PTPRT: variants seen among roughly 807,000 people sequenced by gnomAD.
PTPRT encodes the protein receptor-type tyrosine-protein phosphatase T.
A neutral mutation model predicts 176.8 loss-of-function variants in PTPRT; 56 were observed. That is an observed-to-expected ratio of 0.32 (90% confidence interval 0.26 to 0.40). The LOEUF (loss-of-function observed/expected upper bound fraction) is 0.40. Ranked by LOEUF, PTPRT falls within the 10% of genes least tolerant of loss-of-function variation. The pLI is 1.00. For synonymous variants in PTPRT, 783 were observed against 739.0 expected, an observed-to-expected ratio of 1.06 and a Z score of -0.96; for missense variants, 1,540 against 1,908.2, an observed-to-expected ratio of 0.81 and a Z score of 3.60.
At chr20:42,834,653 A>G (rs1205254631) in intron 2 of PTPRT, among the ~76,000 whole-genome samples, 1 of 152,134 alleles carries the variant, frequency 6.6e-6, no homozygotes, top group African/African-American at 2.4e-5. Flanking sequence ...TTCTCTTCCA[A>G]TAATCTGATC....
At chr20:42,495,978 T>C (rs1312281825) in intron 7 of PTPRT, among the ~76,000 whole-genome samples, 2 of 152,156 alleles carry the variant, frequency 1.3e-5, no homozygotes, top group African/African-American at 2.4e-5. Context: ...ACTGATAACA[T>C]GAACAGTTGG....
chr20:42,854,466 GAAGC>G (rs1172294451), intron 2 of PTPRT, among the ~76,000 whole-genome samples: 3 of 152,136 alleles, frequency 2.0e-5, no homozygotes, highest in African/African-American at 7.2e-5. Flanking sequence ...ATTCTCACAG[GAAGC>G]TTCCCTAGGC....
chr20:42,440,404 T>C lies in PTPRT; in HGVS notation c.1560+7816A>G, dbSNP rs565552952. Among the ~76,000 whole-genome samples the C allele has an allele frequency of 6.6e-5, 10 of 152,214 alleles. 1 individual carries two copies. The South Asian group carries it at 2.1e-3, about 32-fold the overall frequency. On this transcript the variant is annotated intron_variant, in intron 9 of 30. Transcript: ENST00000373187. The stretch of plus-strand genomic sequence containing the variant: ...AAGAATATTTATTGAGTACATACTA[T>C]GTGAAAGCTACTATTTTAGGTCCTC...
At chr20:42,082,940 G>T (rs1397756826) in intron 29 of PTPRT, among the ~76,000 whole-genome samples, 3 of 152,108 alleles carry the variant, frequency 2.0e-5, no homozygotes, top group Admixed American at 2.0e-4. Flanking sequence ...GATGTTTCAA[G>T]TACAGAGAGT....
At chr20:42,216,497 C>T (rs2146765781) in intron 15 of PTPRT, among the ~76,000 whole-genome samples, 1 of 152,308 alleles carries the variant, frequency 6.6e-6, no homozygotes, top group South Asian at 2.1e-4. Flanking sequence ...ATAGGGTAGG[C>T]CTTGCTTCTG....
intron 6 of PTPRT, among the ~76,000 whole-genome samples, chr20:42,741,140 A>C (rs752416657): frequency 6.6e-6 from 1 of 152,176 alleles, no homozygotes; most frequent in Non-Finnish European, 1.5e-5. Context: ...GTCAGAAGTG[A>C]CCATAGAAGA....
intron 1 of PTPRT, among the ~76,000 whole-genome samples, chr20:43,013,003 C>G (rs1195871884): frequency 3.3e-5 from 5 of 152,006 alleles, no homozygotes; most frequent in South Asian, 2.1e-4. Flanking sequence ...GCCTCAGGCT[C>G]TGTTGGAAGG....
At chr20:42,098,270 T>G (rs967743742) in intron 27 of PTPRT, 151 bp downstream of exon 27, 1 of 1,079,040 alleles carries the variant, frequency 9.3e-7, no homozygotes, top group African/African-American at 1.6e-5. Flanking sequence ...GGTAGCAGAA[T>G]GGCTTGTCTG....
intron 15 of PTPRT, among the ~76,000 whole-genome samples, chr20:42,199,589 C>T (rs972036852): frequency 6.6e-5 from 10 of 152,168 alleles, no homozygotes; most frequent in Admixed American, 5.9e-4. Context: ...GCCTCACCCC[C>T]GACAATGCAT....
At chr20:43,173,851 G>A (rs1023896157) in intron 1 of PTPRT, among the ~76,000 whole-genome samples, 9 of 152,216 alleles carry the variant, frequency 5.9e-5, no homozygotes, top group African/African-American at 2.2e-4. Context: ...TCTCTCTCCT[G>A]TACTTCTTAT....
In PTPRT at chr20:42,329,486, CACACACACACACACACAT is replaced by C. The variant is rs1050444484; in HGVS notation, c.1866-13508_1866-13491del. Among the ~76,000 whole-genome samples, 9 of 138,570 alleles carry C rather than the reference CACACACACACACACACAT, an allele frequency of 6.5e-5. No individual in the cohort carries two copies. In the South Asian group the frequency reaches 1.4e-3, roughly 21 times the overall value. The allele number at this position is 138,570 out of a possible 152,430, so 90.9% of individuals were successfully genotyped here. ...AAGAATATAGTGGCACACACACACA[CACACACACACACACACAT>C]ACACACACACACACACACACAGGCA... On this transcript the variant is annotated intron_variant, in intron 11 of 30. Coordinates refer to ENST00000373187, the MANE Select transcript of PTPRT (RefSeq NM_007050.6).
chr20:42,593,644 A>G (rs1370040448), intron 7 of PTPRT, among the ~76,000 whole-genome samples: 2 of 152,184 alleles, frequency 1.3e-5, no homozygotes, highest in Non-Finnish European at 2.9e-5. Flanking sequence ...GAATCACATT[A>G]AGATTAATAA....
At chr20:42,453,659 T>G (rs1479270675) in intron 8 of PTPRT, among the ~76,000 whole-genome samples, 2 of 140,158 alleles carry the variant, frequency 1.4e-5, no homozygotes, top group African/African-American at 5.7e-5. Context: ...TTTTCCTTTT[T>G]TTTCTTTTTC....
chr20:43,152,927 A>T (rs917160595), intron 1 of PTPRT, among the ~76,000 whole-genome samples: 491 of 150,696 alleles, frequency 3.3e-3, no homozygotes, highest in African/African-American at 0.01. Context: ...ATACTTCCCA[A>T]TTTTTTTTTT....
In PTPRT at chr20:42,074,213, G is replaced by A. The variant is rs1004797924; in HGVS notation, c.*6666C>T. ...ACACCTGACATTATTCATCTTCCAT[G>A]GGAGATACAGGGACAGGGTGGACAC... On this transcript the variant is annotated 3_prime_UTR_variant, in exon 31 of 31. Transcript: ENST00000373187. The A allele has an allele frequency of 2.2e-5, 5 of 227,776 alleles. No homozygotes were observed. The highest frequency in any genetic ancestry group is 4.4e-5 in the Non-Finnish European group (5 of 114,702). 14.1% of individuals were successfully genotyped at this position (227,776 alleles called of 1,614,324 possible).
At chr20:42,095,548 T>C (rs924922012) in intron 27 of PTPRT, among the ~76,000 whole-genome samples, 3 of 152,220 alleles carry the variant, frequency 2.0e-5, no homozygotes, top group African/African-American at 7.2e-5. Context: ...TTCTTCTCCA[T>C]AGGGCCCACC....
chr20:42,926,647 T>C (rs1404500379), intron 1 of PTPRT, among the ~76,000 whole-genome samples: 2 of 152,272 alleles, frequency 1.3e-5, no homozygotes, highest in East Asian at 3.9e-4. Flanking sequence ...CCAGGGTCCA[T>C]AGAGCTAGGT....
At chr20:42,134,653 C>A (rs1356881525) in intron 18 of PTPRT, among the ~76,000 whole-genome samples, 1 of 152,146 alleles carries the variant, frequency 6.6e-6, no homozygotes, top group African/African-American at 2.4e-5. Context: ...ATACAGCTCC[C>A]TGTGGGAAAA....
At chr20:42,373,520 T>A (rs2058614258) in intron 9 of PTPRT, among the ~76,000 whole-genome samples, 1 of 152,242 alleles carries the variant, frequency 6.6e-6, no homozygotes, top group Non-Finnish European at 1.5e-5. Context: ...GTCTCCCGCA[T>A]GGATGCATCT....
Sources: allele counts gnomAD v4.1 joint callset (sites outside exome capture counted in the v4.1 genomes callset), GRCh38; gene constraint gnomAD v4.1.1; transcripts MANE v1.5; gene names NCBI Gene and HGNC (gene_info 2026-07-23, HGNC 2026-07-21).